The following DNM2 variants were observed in gnomAD, a reference collection of about 807,000 sequenced individuals.
The protein encoded by DNM2 is dynamin 2, also known as dynamin-2.
Under a neutral mutation model 99.0 loss-of-function variants are expected in DNM2, and 15 were observed. The observed-to-expected ratio is 0.15, with a 90% CI of 0.10 to 0.23. The LOEUF (loss-of-function observed/expected upper bound fraction) is 0.23, where lower values mean the gene tolerates loss of function less well. Among genes scored for constraint, DNM2 ranks in the 10% least tolerant of loss-of-function variants. The pLI is 1.00. For synonymous variants in DNM2, 525 were observed against 481.2 expected, an observed-to-expected ratio of 1.09 and a Z score of -1.19; for missense variants, 742 against 1,189.4, an observed-to-expected ratio of 0.62 and a Z score of 5.53.
intron 18 of DNM2, among the ~76,000 whole-genome samples, chr19:10,825,723 C>T (rs528719950): frequency 8.6e-5 from 13 of 150,478 alleles, no homozygotes; most frequent in South Asian, 8.4e-4. Context: ...GGCATGGTGG[C>T]GGGTGCCTGT....
chr19:10,769,457 G>A (rs1568289623), intron 2 of DNM2: 4 of 152,508 alleles, frequency 2.6e-5, no homozygotes, highest in Admixed American at 1.3e-4. Context: ...GTAGGGCTGG[G>A]CTTTGTAGAC....
intron 1 of DNM2, chr19:10,755,436 G>C (rs957617296): frequency 7.3e-5 from 11 of 151,540 alleles, no homozygotes; most frequent in African/African-American, 2.7e-4. Flanking sequence ...TCTAGCCAGC[G>C]CCGCATGGTT....
At position 10,802,188 on chromosome 19, in the gene DNM2, C is replaced by T. The variant is rs948859530; in HGVS notation, c.1423-100C>T. On this transcript the variant is annotated intron_variant, in intron 11 of 20. Transcript: ENST00000389253. ...CTCCTGTCTGGGAAGCCTCCTGGTTCCCACGCCTTCCCTGCTGGCAAGGCC... is the reference window on the plus strand; with the variant it reads ...CTCCTGTCTGGGAAGCCTCCTGGTTTCCACGCCTTCCCTGCTGGCAAGGCC... 10 of 1,302,054 alleles carry T rather than the reference C, an allele frequency of 7.7e-6. No homozygotes were observed. The African/African-American group carries it at 1.3e-4, about 17-fold the overall frequency. The allele number at this position is 1,302,054 out of a possible 1,614,324, so 80.7% of individuals were successfully genotyped here.
At chr19:10,782,737 A>G (rs368359685) in intron 5 of DNM2, among the ~76,000 whole-genome samples, 4 of 152,292 alleles carry the variant, frequency 2.6e-5, no homozygotes, top group African/African-American at 9.6e-5. Context: ...CCCTGCGCAC[A>G]CAGGCTGGAT....
intron 1 of DNM2, among the ~76,000 whole-genome samples, chr19:10,723,283 A>G (rs2069002421): frequency 6.6e-6 from 1 of 151,550 alleles, no homozygotes; most frequent in Non-Finnish European, 1.5e-5. Flanking sequence ...ACAGGCATGC[A>G]CCACCACGCC....
rs1218722544 is a variant in DNM2 at position 10,819,983 on chromosome 19, A to G, written c.1675A>G (p.Lys559Glu). ...SLSWYKDEEE[K>E]EKKYMLPLDN... is the part of the protein sequence containing the mutation. ...ACTCTTTTCCCTCCACCCTCAGGAG[A>G]AAGAGAAGAAGTACATGCTGCCTCT... The change falls in exon 16 of 21, where the codon AAA (lysine) becomes GAA (glutamate). Residue 559 changes from lysine (K) to glutamate (E), a missense_variant. Transcript: ENST00000389253. 1.2e-6 allele frequency: 2 copies of G among 1,614,098 alleles called. No homozygotes were observed. Among genetic ancestry groups the G allele is most frequent in the Non-Finnish European group, 1.7e-6 (2 of 1,180,000 alleles).
At position 10,777,280 on chromosome 19, in the gene DNM2, C is replaced by T. The variant is rs182145583; in HGVS notation, c.688+64C>T. ...TGGGGTCCTTATCATTACTGAAACC[C>T]CAGCACCTGTTCCCTGCCTGCCTGG... is the stretch of plus-strand genomic sequence containing the variant. On this transcript the variant is annotated intron_variant, in intron 5 of 20. Transcript: ENST00000389253. 9.4e-6 allele frequency: 14 copies of T among 1,486,566 alleles called. No individual in the cohort carries two copies. In the East Asian group the frequency reaches 3.0e-4, roughly 32 times the overall value. The allele number at this position is 1,486,566 out of a possible 1,614,324, so 92.1% of individuals were successfully genotyped here. A position where few individuals can be genotyped will look rare whatever the true frequency, so the allele number is the denominator to read the frequency against.
chr19:10,830,198 C>T lies in DNM2; in HGVS notation c.2363C>T (p.Thr788Ile), dbSNP rs763624831. ...CGGCCCCCAGCAGTGAGGGGCCCCA[C>T]TCCAGGGCCCCCCCTGATTCCTGTT... ...PGRPPAVRGPTPGPPLIPVPV... is the reference protein window; with the variant it reads ...PGRPPAVRGPIPGPPLIPVPV... Residue 788 changes from threonine to isoleucine, a missense_variant, in exon 20 of 21, where the codon ACT (threonine) becomes ATT (isoleucine). Transcript: ENST00000389253. The surrounding 1 kb of genome is among the most constrained non-coding windows in gnomAD (Gnocchi z 4.8). 6 of 1,613,392 alleles carry T rather than the reference C, an allele frequency of 3.7e-6. No homozygotes were observed. Among genetic ancestry groups the T allele is most frequent in the Middle Eastern group, 1.6e-4 (1 of 6,080 alleles).
At chr19:10,730,979 C>T (rs2069292800) in intron 1 of DNM2, among the ~76,000 whole-genome samples, 1 of 152,226 alleles carries the variant, frequency 6.6e-6, no homozygotes, top group African/African-American at 2.4e-5. Flanking sequence ...CTGGTGACAC[C>T]TCCATGCCCA....
rs542391314 is a variant in DNM2, at chr19:10,782,786, C to A, written c.689-174C>A. On this transcript the variant is annotated intron_variant, in intron 5 of 20. Coordinates refer to ENST00000389253, the MANE Select transcript of DNM2 (RefSeq NM_001005361.3). Reference sequence around the variant, plus strand: ...CCTCCAAATACTTAATGTTGCTCTTCGCAGCTGCCATGTGCATTCGCACCC... The same window carrying A: ...CCTCCAAATACTTAATGTTGCTCTTAGCAGCTGCCATGTGCATTCGCACCC... Among the ~76,000 whole-genome samples, 23 of 152,370 alleles carry A rather than the reference C, an allele frequency of 1.5e-4. No individual in the cohort carries two copies. The East Asian group carries it at 3.9e-3, about 26-fold the overall frequency.
chr19:10,744,602 T>G (rs1284292857), intron 1 of DNM2, among the ~76,000 whole-genome samples: 2 of 152,108 alleles, frequency 1.3e-5, no homozygotes, highest in African/African-American at 4.8e-5. Flanking sequence ...CTAGTTCACT[T>G]GGGCCCTCAG....
chr19:10,827,902 T>G (rs758658469), intron 18 of DNM2, among the ~76,000 whole-genome samples: 13 of 152,076 alleles, frequency 8.5e-5, no homozygotes, highest in African/African-American at 1.4e-4. Flanking sequence ...CTGAAAAACT[T>G]CTGTATCCAG....
intron 5 of DNM2, among the ~76,000 whole-genome samples, chr19:10,779,000 G>C (rs1002019511): frequency 2.0e-5 from 3 of 152,034 alleles, no homozygotes; most frequent in African/African-American, 7.2e-5. Flanking sequence ...CGGATCACAA[G>C]GTCAGGAGAT....
chr19:10,751,704 C>G (rs1487451003), intron 1 of DNM2, among the ~76,000 whole-genome samples: 1 of 152,272 alleles, frequency 6.6e-6, no homozygotes, highest in Non-Finnish European at 1.5e-5. Flanking sequence ...GCGCTCTCAG[C>G]CTGGCATGCG....
At position 10,772,720 on chromosome 19, in the gene DNM2, A is replaced by G; in HGVS notation, c.385+92A>G. 6.4e-7 allele frequency: 1 copy of G among 1,570,998 alleles called. No individual in the cohort carries two copies. The highest frequency in any genetic ancestry group is 8.7e-7 in the Non-Finnish European group (1 of 1,153,102). ...AGCCTGTGTACTTCCACTCATGGGT[A>G]TCATGTGCCCATTCACAAACAGTTG... On this transcript the variant is annotated intron_variant, in intron 3 of 20. Transcript: ENST00000389253. This position sits in a 1 kb window ranked among gnomAD's most constrained non-coding sequence, Gnocchi z 4.9.
At position 10,750,162 on chromosome 19, in the gene DNM2, A is replaced by G. The variant is rs1599474138; in HGVS notation, c.162-9576A>G. ...TGGGGCCTGGCCTGGGCCCATGGAT[A>G]GGAGGCCAGGTACTGAAATGATGCA... On this transcript the variant is annotated intron_variant, in intron 1 of 20. Transcript: ENST00000389253. Among the ~76,000 whole-genome samples, 4 of 152,242 alleles carry G rather than the reference A, an allele frequency of 2.6e-5. 1 individual carries two copies. Among genetic ancestry groups the G allele is most frequent in the Admixed American group, 2.0e-4 (3 of 15,294 alleles).
intron 1 of DNM2, among the ~76,000 whole-genome samples, chr19:10,727,575 G>C (rs761393722): frequency 1.3e-5 from 2 of 151,776 alleles, no homozygotes; most frequent in African/African-American, 2.4e-5. Context: ...ATTATTTTTT[G>C]CCCAGGCTAG....
intron 2 of DNM2, among the ~76,000 whole-genome samples, chr19:10,760,706 G>A (rs181436449): frequency 6.6e-6 from 1 of 151,772 alleles, no homozygotes; most frequent in East Asian, 1.9e-4. Context: ...CTGTTCCCCA[G>A]GCCGTGCAGT....
At chr19:10,721,824 T>A in intron 1 of DNM2, among the ~76,000 whole-genome samples, 1 of 152,218 alleles carries the variant, frequency 6.6e-6, no homozygotes, top group East Asian at 1.9e-4. Context: ...TCTTTTGTTT[T>A]ACCTGCGTAG....
Sources: gnomAD v4.1 joint callset for allele counts (sites outside exome capture counted in the v4.1 genomes callset) on GRCh38, gnomAD v4.1.1 for gene constraint, Gnocchi (gnomAD v3.1) non-coding constraint, MANE v1.5 for transcripts, NCBI Gene and HGNC (gene_info 2026-07-23, HGNC 2026-07-21) for gene names.